The following PID1 variants were observed in gnomAD, a reference collection of about 807,000 sequenced individuals.
The protein encoded by PID1 is phosphotyrosine interaction domain containing 1.
A neutral mutation model predicts 19.1 loss-of-function variants in PID1; 10 were observed. The observed-to-expected ratio is 0.52, with a 90% CI of 0.32 to 0.89. The LOEUF (loss-of-function observed/expected upper bound fraction) is 0.89. Ranked by LOEUF, PID1 falls within the 40% of genes least tolerant of loss-of-function variation. The pLI, the probability that PID1 is intolerant of heterozygous loss-of-function variation, is 0.03. For synonymous variants in PID1, 130 were observed against 116.0 expected (o/e 1.12, Z -0.78); for missense variants, 248 against 285.3 (o/e 0.87, Z 0.94).
At chr2:229,134,642 C>T (rs958719578) in intron 2 of PID1, among the ~76,000 whole-genome samples, 2 of 152,096 alleles carry the variant, frequency 1.3e-5, no homozygotes, top group African/African-American at 2.4e-5. Context: ...AGGAATGGTC[C>T]CATACTATGA....
At chr2:229,042,921 A>T (rs1213601749) in intron 2 of PID1, among the ~76,000 whole-genome samples, 1 of 151,930 alleles carries the variant, frequency 6.6e-6, no homozygotes, top group Non-Finnish European at 1.5e-5. Flanking sequence ...GGAGTTTCCT[A>T]TTAGATTTTT....
chr2:229,103,040 A>T (rs577521224), intron 2 of PID1, among the ~76,000 whole-genome samples: 1 of 152,306 alleles, frequency 6.6e-6, no homozygotes, highest in African/African-American at 2.4e-5. Context: ...TGCTCATCAG[A>T]TATCAAATAT....
At chr2:229,231,871 C>T (rs1226982) in intron 1 of PID1, 440,446 of 1,547,302 alleles carry the variant, frequency 0.28, 67,196 homozygotes, top group East Asian at 0.6. Context: ...GCTGCTATAA[C>T]GAAATACCAC....
Position 229,049,625 on chromosome 2 carries a change from A to G in PID1, c.178-23517T>C, listed in dbSNP as rs540832951. ...CAGATAATTGATAACCAAGAGCTTA[A>G]TATAGTATAAGATGATATAAGAGAC... On this transcript the variant is annotated intron_variant, in intron 2 of 2. Coordinates refer to ENST00000392055, the MANE Select transcript of PID1 (RefSeq NM_001100818.2). Among the ~76,000 whole-genome samples, 140 of 134,580 alleles carry G rather than the reference A, an allele frequency of 1.0e-3. 2 individuals are homozygous for G. Among genetic ancestry groups the G allele is most frequent in the African/African-American group, 3.6e-3 (129 of 36,030 alleles). 88.3% of individuals were successfully genotyped at this position (134,580 alleles called of 152,430 possible). A position where few individuals can be genotyped will look rare whatever the true frequency, so the allele number is the denominator to read the frequency against.
chr2:229,042,985 G>A (rs2106176168), intron 2 of PID1, among the ~76,000 whole-genome samples: 1 of 150,034 alleles, frequency 6.7e-6, no homozygotes, highest in Non-Finnish European at 1.5e-5. Flanking sequence ...AGCGCAGAAA[G>A]AGAGAGAGAG....
chr2:229,120,421 G>C (rs1695493141), intron 2 of PID1, among the ~76,000 whole-genome samples: 2 of 152,104 alleles, frequency 1.3e-5, no homozygotes, highest in Non-Finnish European at 2.9e-5. Flanking sequence ...TTAAGTCAAA[G>C]TGTGCCAACA....
intron 2 of PID1, among the ~76,000 whole-genome samples, chr2:229,061,114 C>A (rs962338718): frequency 6.6e-6 from 1 of 151,908 alleles, no homozygotes; most frequent in African/African-American, 2.4e-5. Context: ...CATATTGATG[C>A]AATCTTATTT....
At chr2:229,065,901 G>A (rs1222794056) in intron 2 of PID1, among the ~76,000 whole-genome samples, 3 of 152,024 alleles carry the variant, frequency 2.0e-5, no homozygotes, top group Non-Finnish European at 4.4e-5. Context: ...TTGTATGCTT[G>A]ACATTAAACT....
chr2:229,110,355 C>T (rs944344918), intron 2 of PID1, among the ~76,000 whole-genome samples: 3 of 152,130 alleles, frequency 2.0e-5, no homozygotes, highest in Non-Finnish European at 2.9e-5. Context: ...GTCATCCTAC[C>T]TAAGCAGTAG....
intron 2 of PID1, among the ~76,000 whole-genome samples, chr2:229,056,461 A>ATTACT (rs1694102352): frequency 6.6e-6 from 1 of 152,178 alleles, no homozygotes; most frequent in Non-Finnish European, 1.5e-5. Context: ...TGTATGATTA[A>ATTACT]GTCATCTGTC....
At chr2:229,120,102 T>C (rs1203951877) in intron 2 of PID1, among the ~76,000 whole-genome samples, 1 of 152,162 alleles carries the variant, frequency 6.6e-6, no homozygotes, top group Non-Finnish European at 1.5e-5. Context: ...CAACATCTTA[T>C]AATAAATTTT....
chr2:229,218,291 A>AGC (rs1329679338), intron 1 of PID1, among the ~76,000 whole-genome samples: 2 of 29,540 alleles, frequency 6.8e-5, no homozygotes, highest in African/African-American at 2.5e-4. Flanking sequence ...TTGTTTCCTG[A>AGC]GCAAAAAAAA....
chr2:229,050,073 A>T (rs1187663590), intron 2 of PID1, among the ~76,000 whole-genome samples: 6 of 152,180 alleles, frequency 3.9e-5, no homozygotes, highest in African/African-American at 1.4e-4. Flanking sequence ...ATAATAAGTC[A>T]TTTGTCTGTA....
At chr2:229,235,154 T>C (rs543346277) in intron 1 of PID1, among the ~76,000 whole-genome samples, 2 of 152,234 alleles carry the variant, frequency 1.3e-5, no homozygotes, top group Non-Finnish European at 2.9e-5. Context: ...GCTCTCTCCC[T>C]CCAGCCCCTC....
rs539121822 is a variant in PID1, at chr2:229,056,965, T to C, written c.178-30857A>G. ...GGATTGTCGGCTTTACCTGACATAG[T>C]ATTTTTCTAGGATTTTAAAAATTCC... On this transcript the variant is annotated intron_variant, in intron 2 of 2. Coordinates refer to ENST00000392055, the MANE Select transcript of PID1 (RefSeq NM_001100818.2). 6.6e-5 allele frequency among the ~76,000 whole-genome samples: 10 copies of C among 152,318 alleles called. No homozygotes were observed. In the South Asian group the frequency reaches 1.9e-3, roughly 28 times the overall value.
intron 2 of PID1, among the ~76,000 whole-genome samples, chr2:229,135,157 T>A (rs893419748): frequency 6.6e-6 from 1 of 151,760 alleles, no homozygotes; most frequent in African/African-American, 2.4e-5. Flanking sequence ...GAGGCTAATC[T>A]AGAAATGAAC....
At chr2:229,246,089 A>G (rs1272814954) in intron 1 of PID1, among the ~76,000 whole-genome samples, 2 of 152,190 alleles carry the variant, frequency 1.3e-5, no homozygotes, top group Non-Finnish European at 2.9e-5. Flanking sequence ...TATAATAGCA[A>G]TCGCTGATTC....
At chr2:229,130,576 A>T (rs1574652771) in intron 2 of PID1, among the ~76,000 whole-genome samples, 1 of 152,204 alleles carries the variant, frequency 6.6e-6, no homozygotes, top group African/African-American at 2.4e-5. Context: ...CTTGTCAGGC[A>T]GTTTCATGGG....
At position 229,132,985 on chromosome 2, in the gene PID1, T is replaced by G. The variant is rs1049485568; in HGVS notation, c.177+22833A>C. Among the ~76,000 whole-genome samples, 8 of 152,368 alleles carry G rather than the reference T, an allele frequency of 5.3e-5. No homozygotes were observed. The East Asian group carries it at 1.5e-3, about 29-fold the overall frequency. On this transcript the variant is annotated intron_variant, in intron 2 of 2. Transcript: ENST00000392055. ...TAGCCAATGCTTTGTGCTTTAATTT[T>G]TTTTTAACCTGGCGACATTAGGAAA...
Sources: gnomAD v4.1 joint callset for allele counts (sites outside exome capture counted in the v4.1 genomes callset) on GRCh38, gnomAD v4.1.1 for gene constraint, MANE v1.5 for transcripts, NCBI Gene and HGNC (gene_info 2026-07-23, HGNC 2026-07-21) for gene names.